ICA1: variants seen among roughly 807,000 people sequenced by gnomAD.
ICA1 encodes islet cell autoantigen 1.
ICA1 carries 40 observed loss-of-function variants against 71.0 expected under a neutral mutation model. The observed-to-expected ratio is 0.56, with a 90% CI of 0.44 to 0.73. The LOEUF is 0.73. Ranked by LOEUF, ICA1 falls within the 30% of genes least tolerant of loss-of-function variation. The pLI is 0.00. For synonymous variants in ICA1, 207 were observed against 209.5 expected (o/e 0.99, Z 0.10); for missense variants, 578 against 576.5 (o/e 1.00, Z -0.03).
intron 1 of ICA1, among the ~76,000 whole-genome samples, chr7:8,252,843 A>G (rs1417598738): frequency 6.6e-6 from 1 of 151,930 alleles, no homozygotes; most frequent in Non-Finnish European, 1.5e-5. Flanking sequence ...GGTTAGATCA[A>G]ATAAATTATC....
intron 1 of ICA1, among the ~76,000 whole-genome samples, chr7:8,255,843 T>C (rs1257685615): frequency 6.8e-6 from 1 of 147,696 alleles, no homozygotes; most frequent in Non-Finnish European, 1.5e-5. Context: ...GGCACAATCA[T>C]GACTCACTGC....
chr7:8,121,933 A>C (rs1787121834), intron 13 of ICA1, among the ~76,000 whole-genome samples: 1 of 152,246 alleles, frequency 6.6e-6, no homozygotes, highest in South Asian at 2.1e-4. Flanking sequence ...AATCCATTTT[A>C]CAATAAGTTA....
chr7:8,159,441 G>C (rs948300546), intron 6 of ICA1, among the ~76,000 whole-genome samples: 4 of 152,256 alleles, frequency 2.6e-5, no homozygotes, highest in Non-Finnish European at 5.9e-5. Context: ...GCCAGGCACA[G>C]TGGCTTAAAC....
chr7:8,215,892 G>A (rs978344111), intron 6 of ICA1, among the ~76,000 whole-genome samples: 4 of 152,164 alleles, frequency 2.6e-5, no homozygotes, highest in African/African-American at 7.2e-5. Flanking sequence ...TCAGAAACAC[G>A]TTTAGGTAAC....
chr7:8,254,674 C>T (rs1387873257), intron 1 of ICA1, among the ~76,000 whole-genome samples: 1 of 151,456 alleles, frequency 6.6e-6, no homozygotes, highest in African/African-American at 2.4e-5. Flanking sequence ...CTAGGGCAGA[C>T]CAGGTAGAAA....
At chr7:8,133,161 C>T (rs1021185490) in intron 12 of ICA1, among the ~76,000 whole-genome samples, 3 of 152,158 alleles carry the variant, frequency 2.0e-5, no homozygotes, top group Non-Finnish European at 4.4e-5. Context: ...TGAGGGAGCA[C>T]ATTCGGCCCC....
intron 5 of ICA1, among the ~76,000 whole-genome samples, chr7:8,219,670 C>G (rs1796458295): frequency 2.0e-5 from 3 of 152,158 alleles, no homozygotes; most frequent in Admixed American, 1.3e-4. Context: ...CTTGTTATCC[C>G]TGTTGGTTTA....
At chr7:8,177,002 T>C (rs6949017) in intron 6 of ICA1, among the ~76,000 whole-genome samples, 3,967 of 152,266 alleles carry the variant, frequency 0.026, 134 homozygotes, top group African/African-American at 0.077. Flanking sequence ...TAACTTTATA[T>C]TACCCAAAAT....
intron 6 of ICA1, among the ~76,000 whole-genome samples, chr7:8,184,803 C>T (rs549618063): frequency 6.6e-6 from 1 of 152,238 alleles, no homozygotes; most frequent in East Asian, 1.9e-4. Context: ...GGCGGGGTGC[C>T]GTGGCTTGCA....
At chr7:8,235,460 G>A (rs776769543) in intron 2 of ICA1, among the ~76,000 whole-genome samples, 1 of 152,188 alleles carries the variant, frequency 6.6e-6, no homozygotes, top group Admixed American at 6.5e-5. Flanking sequence ...GCTCCTGAAT[G>A]TTCAGGAAGG....
chr7:8,233,214 A>G (rs911572186), intron 2 of ICA1, among the ~76,000 whole-genome samples: 6 of 152,224 alleles, frequency 3.9e-5, no homozygotes, highest in Non-Finnish European at 7.3e-5. Context: ...CATGCCTAAG[A>G]TCTGTTACAG....
chr7:8,148,171 C>G (rs1237575391), intron 8 of ICA1, among the ~76,000 whole-genome samples: 2 of 152,134 alleles, frequency 1.3e-5, no homozygotes, highest in Non-Finnish European at 2.9e-5. Flanking sequence ...TAAAATTTAT[C>G]ATAAAAAATC....
chr7:8,258,702 G>A (rs1056247221), intron 1 of ICA1, among the ~76,000 whole-genome samples: 6 of 152,292 alleles, frequency 3.9e-5, no homozygotes, highest in African/African-American at 2.4e-5. Context: ...CCCTGTCCTG[G>A]AGAGATTCAT....
chr7:8,162,867 A>C (rs1162137628), intron 6 of ICA1, among the ~76,000 whole-genome samples: 1 of 152,128 alleles, frequency 6.6e-6, no homozygotes, highest in Non-Finnish European at 1.5e-5. Flanking sequence ...GGGTTCAAGC[A>C]ATTCTCCTGC....
At chr7:8,231,698 C>G (rs1800328908) in intron 3 of ICA1, among the ~76,000 whole-genome samples, 1 of 152,180 alleles carries the variant, frequency 6.6e-6, no homozygotes, top group Non-Finnish European at 1.5e-5. Flanking sequence ...ACGGGGCAGC[C>G]TTAACATTAC....
rs926124241 is a variant in ICA1, at chr7:8,235,987, G to C, written c.-61C>G. Reference sequence around the variant, plus strand: ...GAAGGGGCAGGAAAAAAGCATGAGAGGATAAGTTATATTATAACCTGAAAT... The same window carrying C: ...GAAGGGGCAGGAAAAAAGCATGAGACGATAAGTTATATTATAACCTGAAAT... On this transcript the variant is annotated 5_prime_UTR_variant, in exon 2 of 14. Transcript: ENST00000402384. 1 of 1,527,918 alleles carries C rather than the reference G, an allele frequency of 6.5e-7. No homozygotes were observed. The highest frequency in any genetic ancestry group is 1.4e-5 in the African/African-American group (1 of 72,818). 94.6% of individuals were successfully genotyped at this position (1,527,918 alleles called of 1,614,324 possible).
chr7:8,193,660 T>C (rs975695484), intron 6 of ICA1, among the ~76,000 whole-genome samples: 9 of 152,240 alleles, frequency 5.9e-5, no homozygotes, highest in African/African-American at 1.9e-4. Context: ...GATTCTGCCA[T>C]TGCGTGATAT....
At chr7:8,211,524 G>T (rs1010963085) in intron 6 of ICA1, among the ~76,000 whole-genome samples, 1 of 61,844 alleles carries the variant, frequency 1.6e-5, no homozygotes, top group Non-Finnish European at 3.0e-5. Context: ...ATAGTGCTCT[G>T]TAGGAGTGGG....
Position 8,141,762 on chromosome 7 carries a change from T to C in ICA1, c.955+3A>G. ...GCAATTCTAAATAAAAATCAAAACTTACTCTTAAAACTAGAGGATTCCTTG... is the reference window on the plus strand; with the variant it reads ...GCAATTCTAAATAAAAATCAAAACTCACTCTTAAAACTAGAGGATTCCTTG... On this transcript the variant is annotated splice_donor_region_variant and intron_variant, in intron 10 of 13. Transcript: ENST00000402384. The C allele has an allele frequency of 1.3e-6, 2 of 1,528,540 alleles. No individual in the cohort carries two copies. The highest frequency in any genetic ancestry group is 1.8e-6 in the Non-Finnish European group (2 of 1,115,444). 94.7% of individuals were successfully genotyped at this position (1,528,540 alleles called of 1,614,324 possible). A position where few individuals can be genotyped will look rare whatever the true frequency, so the allele number is the denominator to read the frequency against.
Sources: allele counts gnomAD v4.1 joint callset (sites outside exome capture counted in the v4.1 genomes callset), GRCh38; gene constraint gnomAD v4.1.1; transcripts MANE v1.5; gene names NCBI Gene and HGNC (gene_info 2026-07-23, HGNC 2026-07-21).